KCNH7: variants seen among roughly 807,000 people sequenced by gnomAD.
KCNH7 encodes potassium voltage-gated channel subfamily H member 7, also known as voltage-gated inwardly rectifying potassium channel KCNH7.
KCNH7 carries 49 observed loss-of-function variants against 120.8 expected under a neutral mutation model. The observed-to-expected ratio is 0.41, with a 90% CI of 0.32 to 0.51. The LOEUF (loss-of-function observed/expected upper bound fraction) is 0.51. KCNH7 is among the 20% of genes least tolerant of loss of function. The probability of loss-of-function intolerance (pLI) is 0.38; values close to 1 mark genes in which losing one functional copy is unlikely to be tolerated. For missense variants in KCNH7, 1,097 were observed against 1,446.6 expected (o/e 0.76, Z 3.92); for synonymous variants, 547 against 516.1 (o/e 1.06, Z -0.81).
At chr2:162,770,292 A>AT (rs1682996049) in intron 2 of KCNH7, among the ~76,000 whole-genome samples, 1 of 150,292 alleles carries the variant, frequency 6.7e-6, no homozygotes, top group South Asian at 2.1e-4. Flanking sequence ...GTTCCTGAAC[A>AT]TTACTCTTGG....
At chr2:162,596,878 T>A (rs1388206486) in intron 2 of KCNH7, among the ~76,000 whole-genome samples, 1 of 151,960 alleles carries the variant, frequency 6.6e-6, no homozygotes, top group Non-Finnish European at 1.5e-5. Context: ...AATAACCCAA[T>A]TATAACCAGG....
chr2:162,427,983 T>C (rs1687923325), intron 8 of KCNH7, among the ~76,000 whole-genome samples: 1 of 151,808 alleles, frequency 6.6e-6, no homozygotes, highest in South Asian at 2.1e-4. Flanking sequence ...CTCTCTTGTT[T>C]GTTTTCTATT....
intron 3 of KCNH7, among the ~76,000 whole-genome samples, chr2:162,527,029 C>A (rs1691730171): frequency 6.6e-6 from 1 of 151,940 alleles, no homozygotes; most frequent in South Asian, 2.1e-4. Flanking sequence ...TCAGCCGGTC[C>A]CTCCGTTCGG....
chr2:162,456,632 GAGTCTA>G (rs550721850), intron 6 of KCNH7, among the ~76,000 whole-genome samples: 150 of 152,234 alleles, frequency 9.9e-4, no homozygotes, highest in South Asian at 2.3e-3. Context: ...TATCACGAGG[GAGTCTA>G]AGTCTCTTTG....
chr2:162,605,049 T>C (rs1037126646), intron 2 of KCNH7, among the ~76,000 whole-genome samples: 2 of 152,112 alleles, frequency 1.3e-5, no homozygotes, highest in East Asian at 3.9e-4. Flanking sequence ...AAAAATCTCG[T>C]CAATGAGATT....
At chr2:162,567,587 T>C (rs1027006156) in intron 2 of KCNH7, among the ~76,000 whole-genome samples, 6 of 152,146 alleles carry the variant, frequency 3.9e-5, no homozygotes, top group South Asian at 2.1e-4. Flanking sequence ...ATATACCTTA[T>C]ATGTTTTGTA....
At chr2:162,628,668 C>T (rs1007758057) in intron 2 of KCNH7, among the ~76,000 whole-genome samples, 3 of 152,004 alleles carry the variant, frequency 2.0e-5, no homozygotes, top group Non-Finnish European at 2.9e-5. Context: ...CATTTAGCTC[C>T]CACTTATACG....
At chr2:162,802,959 G>T (rs561520071) in intron 2 of KCNH7, among the ~76,000 whole-genome samples, 391 of 151,810 alleles carry the variant, frequency 2.6e-3, no homozygotes, top group African/African-American at 9.2e-3. Flanking sequence ...CATTTCAAGT[G>T]TCTCATAGCT....
At position 162,491,526 on chromosome 2, in the gene KCNH7, A is replaced by G. The variant is rs561047762; in HGVS notation, c.1128+12917T>C. Among the ~76,000 whole-genome samples, 18 of 152,262 alleles carry G rather than the reference A, an allele frequency of 1.2e-4. No homozygotes were observed. In the South Asian group the frequency reaches 3.7e-3, roughly 32 times the overall value. On this transcript the variant is annotated intron_variant, in intron 6 of 15. Coordinates refer to ENST00000332142, the MANE Select transcript of KCNH7 (RefSeq NM_033272.4). ...CCATTTCATAGATAGAGGTCATGCT[A>G]GTATCTATGACACAGACAAGGTATA...
chr2:162,399,786 T>A lies in KCNH7; in HGVS notation c.2407+403A>T, dbSNP rs75497118. On this transcript the variant is annotated intron_variant, in intron 10 of 15. Transcript: ENST00000332142. The stretch of plus-strand genomic sequence containing the variant: ...AAATTCATCAAAACATAAACCCAGT[T>A]CATGACAGGGCTTTGGCACATGCTA... Among the ~76,000 whole-genome samples, 77 of 151,970 alleles carry A rather than the reference T, an allele frequency of 5.1e-4. No individual in the cohort carries two copies. In the East Asian group the frequency reaches 0.015, roughly 29 times the overall value.
At chr2:162,795,985 T>C (rs1247065416) in intron 2 of KCNH7, 1 of 152,066 alleles carries the variant, frequency 6.6e-6, no homozygotes, top group East Asian at 1.9e-4. Context: ...CCTTAAAATA[T>C]AAACCTGAAG....
At chr2:162,791,245 T>G (rs1435918532) in intron 2 of KCNH7, among the ~76,000 whole-genome samples, 4 of 152,124 alleles carry the variant, frequency 2.6e-5, no homozygotes, top group African/African-American at 4.8e-5. Context: ...TAGGATTGCC[T>G]TGTCTATTTG....
intron 2 of KCNH7, among the ~76,000 whole-genome samples, chr2:162,676,075 T>A (rs79019789): frequency 0.011 from 1,603 of 151,562 alleles, 25 homozygotes; most frequent in African/African-American, 0.036. Context: ...CTTCCTGTAT[T>A]TAACTCTCAT....
chr2:162,398,656 A>G (rs1034293606), intron 10 of KCNH7, among the ~76,000 whole-genome samples: 1 of 151,902 alleles, frequency 6.6e-6, no homozygotes, highest in Non-Finnish European at 1.5e-5. Flanking sequence ...CAGTCCATGG[A>G]TATGTCTTAG....
intron 2 of KCNH7, chr2:162,796,470 G>C (rs1684152046): frequency 6.6e-6 from 1 of 152,104 alleles, no homozygotes; most frequent in South Asian, 2.1e-4. Flanking sequence ...CCTCAGGTAA[G>C]CTTAGTGTGC....
At chr2:162,565,422 A>G (rs1214816617) in intron 2 of KCNH7, among the ~76,000 whole-genome samples, 1 of 152,090 alleles carries the variant, frequency 6.6e-6, no homozygotes, top group Non-Finnish European at 1.5e-5. Context: ...TTACTGGAAC[A>G]TATATTTTAC....
chr2:162,617,972 A>T (rs2105187181), intron 2 of KCNH7, among the ~76,000 whole-genome samples: 1 of 152,160 alleles, frequency 6.6e-6, no homozygotes, highest in South Asian at 2.1e-4. Flanking sequence ...ATAAACATAA[A>T]CTTAAAATTT....
Position 162,470,396 on chromosome 2 carries a change from G to T in KCNH7, c.1129-23953C>A, listed in dbSNP as rs1053223846. Among the ~76,000 whole-genome samples, 73 of 148,224 alleles carry T rather than the reference G, an allele frequency of 4.9e-4. 1 individual carries two copies. The highest frequency in any genetic ancestry group is 1.8e-3 in the African/African-American group (72 of 39,882). ...AGGTGAGGAGCGTCTCTGCCCGGCC[G>T]CCCCGTCTGAGAAGTGAGGAGACCC... On this transcript the variant is annotated intron_variant, in intron 6 of 15. Transcript: ENST00000332142.
chr2:162,806,798 A>AT (rs941090868), intron 2 of KCNH7, among the ~76,000 whole-genome samples: 19 of 152,068 alleles, frequency 1.2e-4, no homozygotes, highest in Non-Finnish European at 2.2e-4. Context: ...AGGAGTAGTG[A>AT]TTTTTTGTTT....
Sources: gnomAD v4.1 joint callset for allele counts (sites outside exome capture counted in the v4.1 genomes callset) on GRCh38, gnomAD v4.1.1 for gene constraint, MANE v1.5 for transcripts, NCBI Gene and HGNC (gene_info 2026-07-23, HGNC 2026-07-21) for gene names.